The following FOCAD variants were observed in gnomAD, a reference collection of about 807,000 sequenced individuals.
FOCAD encodes the protein focadhesin, also known as KIAA1797.
In FOCAD, 198 loss-of-function variants were observed where a neutral mutation model predicts 225.6. The ratio of observed to expected loss-of-function variants is 0.88; its 90% CI spans 0.78 to 0.99. FOCAD has a LOEUF of 0.99. FOCAD is among the 50% of genes least tolerant of loss of function. FOCAD has a pLI of 0.00. For synonymous variants in FOCAD, 897 were observed against 755.0 expected, an observed-to-expected ratio of 1.19 and a Z score of -3.08; for missense variants, 2,713 against 2,123.6, an observed-to-expected ratio of 1.28 and a Z score of -5.46.
At position 20,982,382 on chromosome 9, in the gene FOCAD, G is replaced by C; in HGVS notation, c.4664G>C (p.Ser1555Thr). The C allele has an allele frequency of 6.2e-7, 1 of 1,613,690 alleles. No individual in the cohort carries two copies. Among genetic ancestry groups the C allele is most frequent in the Non-Finnish European group, 8.5e-7 (1 of 1,179,700 alleles). The change falls in exon 39 of 44, where the codon AGC becomes ACC. Residue 1555 changes from serine to threonine, a missense_variant. Coordinates refer to ENST00000338382, the MANE Select transcript of FOCAD (RefSeq NM_001375567.1). ...AGAAAGGATCTAGAGCTGTATATCAGCATAGCAAAATGCCTCTTAGAAATG... is the reference window on the plus strand; with the variant it reads ...AGAAAGGATCTAGAGCTGTATATCACCATAGCAAAATGCCTCTTAGAAATG... ...IRRKDLELYISIAKCLLEMTD... is the reference protein window; with the variant it reads ...IRRKDLELYITIAKCLLEMTD...
chr9:20,750,855 G>A (rs976451917), intron 5 of FOCAD, among the ~76,000 whole-genome samples: 3 of 152,114 alleles, frequency 2.0e-5, no homozygotes, highest in Non-Finnish European at 4.4e-5. Context: ...ATTATTAGTA[G>A]CTGAGAGCTG....
chr9:20,865,793 A>G (rs1343207788), intron 16 of FOCAD, 133 bp from the exon 17 acceptor site: 2 of 596,092 alleles, frequency 3.4e-6, no homozygotes, highest in Non-Finnish European at 5.9e-6. Flanking sequence ...TGATGGGTGA[A>G]TACACATTAA....
intron 21 of FOCAD, among the ~76,000 whole-genome samples, chr9:20,898,984 G>A (rs1832338976): frequency 6.6e-6 from 1 of 151,750 alleles, no homozygotes; most frequent in South Asian, 2.1e-4. Context: ...CCTTAGGTGG[G>A]ATAGGATGGC....
intron 21 of FOCAD, among the ~76,000 whole-genome samples, chr9:20,901,524 A>G (rs1311736420): frequency 6.6e-6 from 1 of 151,762 alleles, no homozygotes; most frequent in Non-Finnish European, 1.5e-5. Context: ...TTGTAGATGG[A>G]ATAAGCATAT....
upstream of FOCAD, among the ~76,000 whole-genome samples, chr9:20,682,678 C>A (rs1432396737): frequency 6.6e-6 from 1 of 152,094 alleles, no homozygotes; most frequent in African/African-American, 2.4e-5. Context: ...AAGAGAGTAT[C>A]ATCAAAGTCC....
At chr9:20,959,112 A>G (rs1041319557) in intron 35 of FOCAD, among the ~76,000 whole-genome samples, 6 of 152,144 alleles carry the variant, frequency 3.9e-5, no homozygotes, top group Admixed American at 2.6e-4. Context: ...GAACCTCCCT[A>G]CTGTTATTTA....
intron 39 of FOCAD, 23 bp from the exon 40 acceptor site, chr9:20,986,265 A>ATTTTTTTTTTTTTTTTTTTTTTTTTTTTT (rs762071895): frequency 2.2e-6 from 1 of 456,876 alleles, no homozygotes; most frequent in African/African-American, 5.1e-5. Context: ...GTAACTAAAC[A>ATTTTTTTTTTTTTTTTTTTTTTTTTTTTT]ATTTTTTTTT....
rs1006226964 is a variant in FOCAD at position 20,981,513 on chromosome 9, T to G, written c.4465T>G (p.Leu1489Val). The change falls in exon 38 of 44, where the codon TTA becomes GTA. Residue 1489 changes from leucine to valine, a missense_variant. By Grantham distance (32) the Leu-to-Val change is conservative (BLOSUM62 1). Coordinates refer to ENST00000338382, the MANE Select transcript of FOCAD (RefSeq NM_001375567.1). ...ACAGATCCTGGGTTTTGTTGAAAAT[T>G]TAATGGTGGCAGTTTTTAAAGCAGC... ...DEQILGFVEN[L>V]MVAVFKAASP... 6.2e-7 allele frequency: 1 copy of G among 1,613,948 alleles called. No individual in the cohort carries two copies. Among genetic ancestry groups the G allele is most frequent in the African/African-American group, 1.3e-5 (1 of 74,898 alleles).
chr9:20,851,231 TG>T (rs768485650), intron 15 of FOCAD, among the ~76,000 whole-genome samples: 3 of 140,896 alleles, frequency 2.1e-5, no homozygotes, highest in East Asian at 2.1e-4. Context: ...TTTCGTGGGG[TG>T]GGGGGGTGTT....
intron 6 of FOCAD, among the ~76,000 whole-genome samples, chr9:20,762,259 C>G (rs986469601): frequency 2.6e-5 from 4 of 152,204 alleles, no homozygotes; most frequent in African/African-American, 9.6e-5. Flanking sequence ...TTCATACATA[C>G]ATTATCTGAT....
chr9:20,929,353 C>T lies in FOCAD; in HGVS notation c.3079-5C>T, dbSNP rs1416060900. ...ACCCTGTTTTCTTTCTTTGGCATGT[C>T]CTAGAAGTCCTATTCTGGTGAAAAC... On this transcript the variant is annotated splice_region_variant and splice_polypyrimidine_tract_variant and intron_variant, in intron 26 of 43. Coordinates refer to ENST00000338382, the MANE Select transcript of FOCAD (RefSeq NM_001375567.1). 1.2e-6 allele frequency: 2 copies of T among 1,612,414 alleles called. No individual in the cohort carries two copies. The highest frequency in any genetic ancestry group is 2.2e-5 in the East Asian group (1 of 44,876).
chr9:20,937,947 G>C (rs539589391), intron 28 of FOCAD, among the ~76,000 whole-genome samples: 45 of 152,200 alleles, frequency 3.0e-4, no homozygotes, highest in African/African-American at 1.0e-3. Context: ...CTCAAAAGAA[G>C]ACATTTATGC....
intron 1 of FOCAD, 108 bp from the exon 2 acceptor site, chr9:20,715,214 T>G (rs1825235267): frequency 4.6e-6 from 2 of 431,844 alleles, no homozygotes; most frequent in Admixed American, 4.0e-5. Context: ...TTATTTCCAT[T>G]GTTATCTTTG....
chr9:20,823,261 C>A, intron 15 of FOCAD, 146 bp downstream of exon 15: 2 of 866,452 alleles, frequency 2.3e-6, no homozygotes, highest in Non-Finnish European at 3.4e-6. Flanking sequence ...TGAAGCAAGA[C>A]CTACTTTACA....
intron 27 of FOCAD, among the ~76,000 whole-genome samples, chr9:20,932,421 C>T (rs1228985263): frequency 6.6e-6 from 1 of 152,068 alleles, no homozygotes; most frequent in Non-Finnish European, 1.5e-5. Flanking sequence ...ACCATAGAAC[C>T]TTTTAAGTTT....
intron 11 of FOCAD, among the ~76,000 whole-genome samples, chr9:20,804,879 AG>A (rs1267955623): frequency 1.3e-5 from 2 of 152,104 alleles, no homozygotes; most frequent in Admixed American, 1.3e-4. Context: ...TGGGGGTCAC[AG>A]GGAAAAATCA....
At chr9:20,902,033 T>A (rs1832604997) in intron 21 of FOCAD, among the ~76,000 whole-genome samples, 1 of 151,942 alleles carries the variant, frequency 6.6e-6, no homozygotes, top group African/African-American at 2.4e-5. Context: ...TATGATAGTA[T>A]GATTTTCACA....
rs192104305 is a variant in FOCAD, at chr9:20,733,692, T to C, written c.288-6544T>C. On this transcript the variant is annotated intron_variant, in intron 4 of 43. Coordinates refer to ENST00000338382, the MANE Select transcript of FOCAD (RefSeq NM_001375567.1). ...CCCTAAAAAGGACATGAATTTTTCA[T>C]TTGTGTTCAGGAAGTCCTTCCTCAC... 2.8e-3 allele frequency among the ~76,000 whole-genome samples: 421 copies of C among 152,272 alleles called. 2 individuals carry two copies. Among genetic ancestry groups the C allele is most frequent in the Middle Eastern group, 0.017 (5 of 294 alleles).
At chr9:20,725,299 G>A (rs920470985) in intron 4 of FOCAD, among the ~76,000 whole-genome samples, 5 of 152,080 alleles carry the variant, frequency 3.3e-5, no homozygotes, top group African/African-American at 1.2e-4. Context: ...GAGGTTTATT[G>A]GAATCTAAAG....
Sources: gnomAD v4.1 joint callset for allele counts (sites outside exome capture counted in the v4.1 genomes callset) on GRCh38, gnomAD v4.1.1 for gene constraint, MANE v1.5 for transcripts, NCBI Gene and HGNC (gene_info 2026-07-23, HGNC 2026-07-21) for gene names.